Variants in TMEM132D observed in about 807,000 individuals in gnomAD.
TMEM132D encodes transmembrane protein 132D.
In TMEM132D, 21 loss-of-function variants were observed where a neutral mutation model predicts 62.3. The observed-to-expected ratio is 0.34, with a 90% CI of 0.24 to 0.49. The LOEUF (loss-of-function observed/expected upper bound fraction) is 0.49. Among genes scored for constraint, TMEM132D ranks in the 20% least tolerant of loss-of-function variants. TMEM132D has a pLI of 0.99. For missense variants in TMEM132D, 1,346 were observed against 1,402.8 expected (o/e 0.96, Z 0.65); for synonymous variants, 621 against 575.6 (o/e 1.08, Z -1.13).
intron 4 of TMEM132D, among the ~76,000 whole-genome samples, chr12:129,216,125 C>G (rs937555494): frequency 2.0e-5 from 3 of 152,194 alleles, no homozygotes; most frequent in Non-Finnish European, 4.4e-5. Context: ...AAGCAAGTTA[C>G]TTAACTCTTC....
chr12:129,602,006 T>C lies in TMEM132D; in HGVS notation c.969-70801A>G, dbSNP rs956397962. ...AAGCAAAACATGACAAAATAAATTA[T>C]GCTGATACTTTCATTATCACTTGTT... On this transcript the variant is annotated intron_variant, in intron 2 of 8. Transcript: ENST00000422113. Among the ~76,000 whole-genome samples, 55 of 152,304 alleles carry C rather than the reference T, an allele frequency of 3.6e-4. 1 individual carries two copies. The Middle Eastern group carries it at 0.01, about 28-fold the overall frequency.
intron 3 of TMEM132D, among the ~76,000 whole-genome samples, chr12:129,508,943 T>A (rs1875422694): frequency 6.6e-6 from 1 of 150,924 alleles, no homozygotes; most frequent in South Asian, 2.1e-4. Context: ...GAGATCTACA[T>A]TTGGATATAA....
At chr12:129,574,678 C>T (rs1226774799) in intron 2 of TMEM132D, among the ~76,000 whole-genome samples, 1 of 151,682 alleles carries the variant, frequency 6.6e-6, no homozygotes, top group South Asian at 2.1e-4. Context: ...CTCACATAAG[C>T]CGTCAGCATC....
At chr12:129,784,300 T>G (rs948983460) in intron 1 of TMEM132D, among the ~76,000 whole-genome samples, 3 of 152,204 alleles carry the variant, frequency 2.0e-5, no homozygotes, top group Non-Finnish European at 4.4e-5. Flanking sequence ...AAGTGCAAAC[T>G]TAATAATCAA....
chr12:129,105,528 ATACT>A (rs1445072377), intron 5 of TMEM132D, among the ~76,000 whole-genome samples: 219 of 146,674 alleles, frequency 1.5e-3, no homozygotes, highest in Non-Finnish European at 2.2e-3. Flanking sequence ...ATGTACCCTA[ATACT>A]TAAAGTATAA....
chr12:129,106,174 A>T (rs758728774), intron 5 of TMEM132D, among the ~76,000 whole-genome samples: 5 of 150,808 alleles, frequency 3.3e-5, no homozygotes, highest in Non-Finnish European at 7.4e-5. Context: ...AGAACAAAAA[A>T]CCAAACACCG....
intron 1 of TMEM132D, among the ~76,000 whole-genome samples, chr12:129,895,502 C>T (rs1181156005): frequency 6.6e-6 from 1 of 152,200 alleles, no homozygotes; most frequent in South Asian, 2.1e-4. Flanking sequence ...TTTGTGCCTC[C>T]CTGGTCTTGA....
intron 5 of TMEM132D, among the ~76,000 whole-genome samples, chr12:129,105,107 A>G (rs111972290): frequency 0.11 from 6,069 of 57,428 alleles, 458 homozygotes; most frequent in East Asian, 0.26. Context: ...TGTTTATTGC[A>G]GCATTATTCA....
At chr12:129,800,942 G>T (rs1565990478) in intron 1 of TMEM132D, among the ~76,000 whole-genome samples, 1 of 152,200 alleles carries the variant, frequency 6.6e-6, no homozygotes, top group Non-Finnish European at 1.5e-5. Flanking sequence ...CCTAGTTAAA[G>T]AAAGGGGTGA....
chr12:129,659,430 G>A (rs1183749839), intron 2 of TMEM132D, among the ~76,000 whole-genome samples: 1 of 152,178 alleles, frequency 6.6e-6, no homozygotes, highest in Non-Finnish European at 1.5e-5. Context: ...ACAAAAAACA[G>A]TCACTTTCTT....
At chr12:129,775,918 A>G (rs576182490) in intron 1 of TMEM132D, among the ~76,000 whole-genome samples, 1 of 152,194 alleles carries the variant, frequency 6.6e-6, no homozygotes, top group Admixed American at 6.5e-5. Context: ...AATTTTATAT[A>G]CCAATCTATC....
chr12:129,140,174 G>A (rs900589219), intron 5 of TMEM132D, among the ~76,000 whole-genome samples: 6 of 150,950 alleles, frequency 4.0e-5, no homozygotes, highest in African/African-American at 1.5e-4. Context: ...CAATTGTATG[G>A]TGTACTAAAA....
chr12:129,249,780 C>T (rs1211009560), intron 4 of TMEM132D, among the ~76,000 whole-genome samples: 1 of 152,122 alleles, frequency 6.6e-6, no homozygotes, highest in African/African-American at 2.4e-5. Context: ...TCGCTGTGAA[C>T]ATCTGAGAAC....
chr12:129,282,508 G>A (rs1009780583), intron 4 of TMEM132D, among the ~76,000 whole-genome samples: 1 of 152,150 alleles, frequency 6.6e-6, no homozygotes, highest in Non-Finnish European at 1.5e-5. Context: ...GATCCGGGCT[G>A]ACTAAAAACC....
chr12:129,389,032 G>A (rs535736095), intron 3 of TMEM132D, among the ~76,000 whole-genome samples: 3 of 103,556 alleles, frequency 2.9e-5, no homozygotes, highest in African/African-American at 7.8e-5. Context: ...AATCCAGCAC[G>A]ATAATAATAT....
At chr12:129,482,953 G>C (rs1271289762) in intron 3 of TMEM132D, among the ~76,000 whole-genome samples, 2 of 53,054 alleles carry the variant, frequency 3.8e-5, no homozygotes, top group African/African-American at 2.7e-4. Context: ...ATCTGTGTGT[G>C]TGTGTGTGTG....
At chr12:129,438,507 AAC>A (rs1872852259) in intron 3 of TMEM132D, among the ~76,000 whole-genome samples, 1 of 152,242 alleles carries the variant, frequency 6.6e-6, no homozygotes, top group African/African-American at 2.4e-5. Flanking sequence ...GATGAAAAGA[AAC>A]CAGGCACAAA....
chr12:129,801,700 C>T (rs1427508497), intron 1 of TMEM132D, among the ~76,000 whole-genome samples: 2 of 151,854 alleles, frequency 1.3e-5, no homozygotes, highest in South Asian at 2.1e-4. Context: ...ATGACTTTGA[C>T]GAGCTGAGAG....
At chr12:129,574,856 C>T (rs1219079522) in intron 2 of TMEM132D, among the ~76,000 whole-genome samples, 1 of 151,726 alleles carries the variant, frequency 6.6e-6, no homozygotes, top group Non-Finnish European at 1.5e-5. Flanking sequence ...AGAAAGACCT[C>T]CAACTAAGGA....
Sources: allele counts gnomAD v4.1 joint callset (sites outside exome capture counted in the v4.1 genomes callset), GRCh38; gene constraint gnomAD v4.1.1; transcripts MANE v1.5; gene names NCBI Gene and HGNC (gene_info 2026-07-23, HGNC 2026-07-21).